Variants in SNX1 observed in about 807,000 individuals in gnomAD.
The protein encoded by SNX1 is sorting nexin 1.
In SNX1, 36 loss-of-function variants were observed where a neutral mutation model predicts 71.8. That is an observed-to-expected ratio of 0.50 (90% confidence interval 0.38 to 0.66). The LOEUF (loss-of-function observed/expected upper bound fraction) is 0.66. Among genes scored for constraint, SNX1 ranks in the 30% least tolerant of loss-of-function variants. The pLI is 0.00. For synonymous variants in SNX1, 254 were observed against 240.7 expected, an observed-to-expected ratio of 1.06 and a Z score of -0.51; for missense variants, 612 against 646.7, an observed-to-expected ratio of 0.95 and a Z score of 0.58.
intron 2 of SNX1, among the ~76,000 whole-genome samples, 182 bp from the exon 3 acceptor site, chr15:64,117,935 A>G (rs896677408): frequency 1.3e-5 from 2 of 152,242 alleles, no homozygotes; most frequent in Non-Finnish European, 2.9e-5. Context: ...AGCCTGTGCT[A>G]GAAGAACACT....
rs1185932446 is a variant in SNX1, at chr15:64,141,683, TG to T, written c.*4068del. The T allele has an allele frequency of 6.6e-6, 1 of 152,344 alleles. No homozygotes were observed. The highest frequency in any genetic ancestry group is 1.5e-5 in the Non-Finnish European group (1 of 68,150). 9.4% of individuals were successfully genotyped at this position (152,344 alleles called of 1,614,324 possible). ...AAAAACGAGCAGGAGCCACATCACA[TG>T]GGTGTCTGATAGGACCTGGGAGGCG... is the stretch of plus-strand genomic sequence containing the variant. On this transcript the variant is annotated 3_prime_UTR_variant, in exon 15 of 15. Coordinates refer to ENST00000559844, the MANE Select transcript of SNX1 (RefSeq NM_003099.5). This position sits in a 1 kb window ranked among gnomAD's most constrained non-coding sequence, Gnocchi z 5.1.
intron 4 of SNX1, among the ~76,000 whole-genome samples, chr15:64,121,074 A>C (rs1425901463): frequency 1.3e-5 from 2 of 152,180 alleles, no homozygotes; most frequent in Non-Finnish European, 2.9e-5. Flanking sequence ...TCTAATATTT[A>C]TGGATAGTCT....
intron 8 of SNX1, among the ~76,000 whole-genome samples, chr15:64,128,260 T>A (rs1409800026): frequency 6.6e-6 from 1 of 152,200 alleles, no homozygotes; most frequent in Admixed American, 6.5e-5. Context: ...AACAGCCCAA[T>A]TGCTAACAGT....
At chr15:64,107,169 C>T (rs1263140582) in intron 1 of SNX1, among the ~76,000 whole-genome samples, 1 of 152,212 alleles carries the variant, frequency 6.6e-6, no homozygotes, top group African/African-American at 2.4e-5. Context: ...TCTTGCCTTA[C>T]TATGAAATAT....
At chr15:64,130,163 TAA>T in intron 9 of SNX1, 63 bp from the exon 10 acceptor site, 2 of 1,516,830 alleles carry the variant, frequency 1.3e-6, no homozygotes, top group Non-Finnish European at 1.8e-6. Flanking sequence ...AAACAACTGC[TAA>T]AGAAAGACTG....
In SNX1 at chr15:64,136,413, G is replaced by A. The variant is rs1567334142; in HGVS notation, c.1446+3G>A. 6.2e-7 allele frequency: 1 copy of A among 1,612,956 alleles called. No individual in the cohort carries two copies. Among genetic ancestry groups the A allele is most frequent in the Admixed American group, 1.7e-5 (1 of 60,028 alleles). On this transcript the variant is annotated splice_donor_region_variant and intron_variant, in intron 13 of 14. Transcript: ENST00000559844. ...GAAAAGAAGTGATACGGTTTGAGGTGAGATAGAAAATCCTACTTCTCACTT... is the reference window on the plus strand; with the variant it reads ...GAAAAGAAGTGATACGGTTTGAGGTAAGATAGAAAATCCTACTTCTCACTT...
chr15:64,096,064 C>G lies in SNX1; in HGVS notation c.51C>G (p.Pro17=), dbSNP rs374656708. 1.3e-6 allele frequency: 2 copies of G among 1,585,000 alleles called. No homozygotes were observed. The highest frequency in any genetic ancestry group is 1.1e-5 in the South Asian group (1 of 87,462). The change falls in exon 1 of 15, where the codon CCC becomes CCG. Residue 17 remains proline, a synonymous_variant. Coordinates refer to ENST00000559844, the MANE Select transcript of SNX1 (RefSeq NM_003099.5). ...GCGCTTCGGAGAGACTGCCTCCGCC[C>G]TTCCCCGGCCTGGAGCCGGAGTCCG... ...GCSASERLPP[P]FPGLEPESEG... is the part of the protein sequence containing the mutation.
intron 1 of SNX1, among the ~76,000 whole-genome samples, chr15:64,110,774 C>T (rs190058956): frequency 2.3e-4 from 35 of 152,176 alleles, no homozygotes; most frequent in African/African-American, 8.2e-4. Context: ...CTGCAGTATC[C>T]CATTTGTGTG....
Position 64,139,874 on chromosome 15 carries a change from C to G in SNX1, c.*2256C>G, listed in dbSNP as rs1053402791. On this transcript the variant is annotated 3_prime_UTR_variant, in exon 15 of 15. Transcript: ENST00000559844. ...TTTTGAAGAATACAGGCTATTTTGT[C>G]GAATGTTCCTCAGTTTGGATTTGTG... 2 of 152,006 alleles carry G rather than the reference C, an allele frequency of 1.3e-5. No homozygotes were observed. The highest frequency in any genetic ancestry group is 2.9e-5 in the Non-Finnish European group (2 of 68,028). The allele number at this position is 152,006 out of a possible 1,614,324, so 9.4% of individuals were successfully genotyped here.
At chr15:64,110,085 T>C (rs1213746006) in intron 1 of SNX1, among the ~76,000 whole-genome samples, 1 of 152,186 alleles carries the variant, frequency 6.6e-6, no homozygotes, top group Non-Finnish European at 1.5e-5. Context: ...CATATATCCA[T>C]AATGGAGAGT....
At chr15:64,121,688 G>A (rs2081198399) in intron 4 of SNX1, among the ~76,000 whole-genome samples, 1 of 152,208 alleles carries the variant, frequency 6.6e-6, no homozygotes, top group Admixed American at 6.5e-5. Flanking sequence ...AATTTAAACA[G>A]CCCATGGATC....
chr15:64,111,634 C>T (rs968826156), intron 1 of SNX1: 2 of 152,080 alleles, frequency 1.3e-5, no homozygotes, highest in African/African-American at 4.8e-5. Context: ...TTTAGAGTAC[C>T]CAAATAGATT....
In SNX1 at chr15:64,138,186, T is replaced by C; in HGVS notation, c.*568T>C. 6.5e-7 allele frequency: 1 copy of C among 1,534,978 alleles called. No homozygotes were observed. Among genetic ancestry groups the C allele is most frequent in the Non-Finnish European group, 8.7e-7 (1 of 1,146,628 alleles). On this transcript the variant is annotated 3_prime_UTR_variant, in exon 15 of 15. Transcript: ENST00000559844. ...TTTCTTTCTCTCCGCCTACCTCAGC[T>C]ACCTGTTCTGAGGGTCTCAATCTGT... is the stretch of plus-strand genomic sequence containing the variant.
At chr15:64,130,439 C>T (rs914127447) in intron 10 of SNX1, 118 bp downstream of exon 10, 5 of 811,774 alleles carry the variant, frequency 6.2e-6, no homozygotes, top group Admixed American at 2.1e-5. Flanking sequence ...TCTCAGCCCA[C>T]CTGGTCCTTG....
intron 1 of SNX1, among the ~76,000 whole-genome samples, chr15:64,104,271 G>C (rs200525316): frequency 2.9e-5 from 3 of 102,202 alleles, no homozygotes; most frequent in East Asian, 3.2e-4. Context: ...TGGAGTAAAG[G>C]GTTTTTTTTT....
chr15:64,118,920 T>G (rs1189922971), intron 4 of SNX1, 66 bp downstream of exon 4: 4 of 1,229,358 alleles, frequency 3.3e-6, no homozygotes, highest in Non-Finnish European at 4.8e-6. Context: ...GTAGCTAATT[T>G]CAGGATGGCT....
intron 11 of SNX1, among the ~76,000 whole-genome samples, chr15:64,133,091 G>C (rs1227644699): frequency 2.6e-5 from 4 of 152,206 alleles, no homozygotes; most frequent in African/African-American, 9.7e-5. Context: ...GCTGGGGCTG[G>C]GGAAGTGTGC....
intron 1 of SNX1, among the ~76,000 whole-genome samples, chr15:64,107,492 G>A (rs2081034364): frequency 6.6e-6 from 1 of 152,206 alleles, no homozygotes; most frequent in Non-Finnish European, 1.5e-5. Flanking sequence ...AATTGTGCTA[G>A]TGGCCTGGAA....
chr15:64,138,221 C>G lies in SNX1; in HGVS notation c.*603C>G, dbSNP rs1391546232. 1 of 1,498,712 alleles carries G rather than the reference C, an allele frequency of 6.7e-7. No individual in the cohort carries two copies. Among genetic ancestry groups the G allele is most frequent in the South Asian group, 1.3e-5 (1 of 77,342 alleles). 92.8% of individuals were successfully genotyped at this position (1,498,712 alleles called of 1,614,324 possible). On this transcript the variant is annotated 3_prime_UTR_variant, in exon 15 of 15. Coordinates refer to ENST00000559844, the MANE Select transcript of SNX1 (RefSeq NM_003099.5). ...GAGGGTCTCAATCTGTTTCGTATTC[C>G]CACTTCTTTAGGGAAGGAGTTTTAA...
Sources: gnomAD v4.1 joint callset for allele counts (sites outside exome capture counted in the v4.1 genomes callset) on GRCh38, gnomAD v4.1.1 for gene constraint, Gnocchi (gnomAD v3.1) non-coding constraint, MANE v1.5 for transcripts, NCBI Gene and HGNC (gene_info 2026-07-23, HGNC 2026-07-21) for gene names.